FRMD4A: variants seen among roughly 807,000 people sequenced by gnomAD.
The protein encoded by FRMD4A is FERM domain containing 4A.
FRMD4A carries 29 observed loss-of-function variants against 129.1 expected under a neutral mutation model. That is an observed-to-expected ratio of 0.22 (90% CI 0.17 to 0.31). The LOEUF (loss-of-function observed/expected upper bound fraction) is 0.31. FRMD4A is among the 10% of genes least tolerant of loss of function. The pLI is 1.00. For synonymous variants in FRMD4A, 634 were observed against 571.6 expected, an observed-to-expected ratio of 1.11 and a Z score of -1.56; for missense variants, 1,272 against 1,375.8, an observed-to-expected ratio of 0.92 and a Z score of 1.19.
At chr10:14,142,377 G>C (rs1839881804) in intron 2 of FRMD4A, among the ~76,000 whole-genome samples, 1 of 152,198 alleles carries the variant, frequency 6.6e-6, no homozygotes, top group South Asian at 2.1e-4. Flanking sequence ...ATTTGATCTA[G>C]TAAAATGCTG....
At chr10:13,882,554 G>A (rs1466242732) in intron 2 of FRMD4A, among the ~76,000 whole-genome samples, 2 of 152,148 alleles carry the variant, frequency 1.3e-5, no homozygotes, top group Admixed American at 6.5e-5. Context: ...TAGTATTTAG[G>A]GAACACTGGT....
In FRMD4A at chr10:13,971,765, G is replaced by A. The variant is rs779367482; in HGVS notation, c.46-112853C>T. On this transcript the variant is annotated intron_variant, in intron 2 of 24. Coordinates refer to ENST00000357447, the MANE Select transcript of FRMD4A (RefSeq NM_018027.5). ...CCGACAAGTCAGGTTCCAACTCCAC[G>A]GTGGGTCCTCAGAGCCAAGCAGCCC... 2.9e-5 allele frequency: 38 copies of A among 1,304,262 alleles called. No individual in the cohort carries two copies. The South Asian group carries it at 3.7e-4, about 13-fold the overall frequency. 80.8% of individuals were successfully genotyped at this position (1,304,262 alleles called of 1,614,324 possible). A position where few individuals can be genotyped will look rare whatever the true frequency, so the allele number is the denominator to read the frequency against.
intron 2 of FRMD4A, among the ~76,000 whole-genome samples, chr10:13,895,620 G>T (rs1181271215): frequency 6.6e-6 from 1 of 152,172 alleles, no homozygotes; most frequent in Non-Finnish European, 1.5e-5. Context: ...ACAGAAATAG[G>T]TCGTGATGAC....
intron 11 of FRMD4A, among the ~76,000 whole-genome samples, chr10:13,738,691 G>A (rs1477580629): frequency 6.6e-6 from 1 of 152,140 alleles, no homozygotes; most frequent in Non-Finnish European, 1.5e-5. Context: ...CACAATCCTG[G>A]CTCACTGCAA....
At chr10:14,306,943 T>C (rs1846373127) in intron 2 of FRMD4A, among the ~76,000 whole-genome samples, 1 of 152,116 alleles carries the variant, frequency 6.6e-6, no homozygotes, top group Admixed American at 6.5e-5. Context: ...TTTAGCAAAC[T>C]CATAATCCTA....
chr10:13,690,843 T>G (rs2085617967), intron 15 of FRMD4A, among the ~76,000 whole-genome samples: 2 of 152,230 alleles, frequency 1.3e-5, no homozygotes, highest in Non-Finnish European at 2.9e-5. Context: ...ATACCGATGC[T>G]TATCTATTAG....
chr10:13,704,655 G>C (rs1362727285), intron 13 of FRMD4A, among the ~76,000 whole-genome samples: 1 of 152,162 alleles, frequency 6.6e-6, no homozygotes, highest in Admixed American at 6.5e-5. Flanking sequence ...GTACAGTATA[G>C]AGATAAAGGG....
chr10:13,853,888 A>C (rs2094176384), intron 3 of FRMD4A, among the ~76,000 whole-genome samples: 1 of 151,774 alleles, frequency 6.6e-6, no homozygotes, highest in Admixed American at 6.6e-5. Flanking sequence ...AATTCGGCCA[A>C]CCATTCATCT....
intron 16 of FRMD4A, among the ~76,000 whole-genome samples, chr10:13,673,366 G>A (rs1036582617): frequency 6.6e-6 from 1 of 152,086 alleles, no homozygotes; most frequent in East Asian, 1.9e-4. Context: ...CTCACTCCAC[G>A]GCCCCTTGTT....
Position 13,714,033 on chromosome 10 carries a change from T to TATAAAATATATATAATATATAATATATA in FRMD4A, c.760-6921_760-6920insTATATATTATATATTATATATATTTTAT, listed in dbSNP as rs1554858946. ...TATACATATATAAAATATACATATA[T>TATAAAATATATATAATATATAATATATA]ATATATATATATATATATATATATA... On this transcript the variant is annotated intron_variant, in intron 12 of 24. Transcript: ENST00000357447. Among the ~76,000 whole-genome samples the TATAAAATATATATAATATATAATATATA allele has an allele frequency of 1.4e-3, 33 of 24,242 alleles. 7 individuals carry two copies. The highest frequency in any genetic ancestry group is 0.016 in the Middle Eastern group (1 of 62). The allele number at this position is 24,242 out of a possible 152,430, so 15.9% of individuals were successfully genotyped here. A position where few individuals can be genotyped will look rare whatever the true frequency, so the allele number is the denominator to read the frequency against.
intron 12 of FRMD4A, among the ~76,000 whole-genome samples, chr10:13,712,925 G>T (rs2088181468): frequency 1.3e-5 from 2 of 152,254 alleles, no homozygotes; most frequent in Non-Finnish European, 2.9e-5. Flanking sequence ...TTAGCTGAAG[G>T]CTGGGGCAGA....
intron 3 of FRMD4A, among the ~76,000 whole-genome samples, chr10:13,816,017 C>A (rs563264965): frequency 1.3e-5 from 2 of 152,308 alleles, no homozygotes; most frequent in African/African-American, 4.8e-5. Flanking sequence ...GGAAAAGGCT[C>A]TGAGCAGTAG....
chr10:14,165,259 A>G (rs961014096), intron 2 of FRMD4A, among the ~76,000 whole-genome samples: 1 of 152,234 alleles, frequency 6.6e-6, no homozygotes, highest in African/African-American at 2.4e-5. Flanking sequence ...AGCATATGAA[A>G]AAATGCTCAG....
rs552961103 is a variant in FRMD4A, at chr10:14,183,155, T to G, written c.45+146903A>C. Among the ~76,000 whole-genome samples, 15 of 152,290 alleles carry G rather than the reference T, an allele frequency of 9.8e-5. No homozygotes were observed. In the East Asian group the frequency reaches 2.7e-3, roughly 27 times the overall value. ...AGAGTGCTGATAAGTGATCTCCAGATTATATGGTCTTAGACTCGATTTTTC... is the reference window on the plus strand; with the variant it reads ...AGAGTGCTGATAAGTGATCTCCAGAGTATATGGTCTTAGACTCGATTTTTC... On this transcript the variant is annotated intron_variant, in intron 2 of 24. Coordinates refer to ENST00000357447, the MANE Select transcript of FRMD4A (RefSeq NM_018027.5).
At chr10:13,794,020 C>A (rs188264955) in intron 5 of FRMD4A, among the ~76,000 whole-genome samples, 69 of 152,200 alleles carry the variant, frequency 4.5e-4, no homozygotes, top group African/African-American at 1.4e-3. Context: ...CCACCCCACC[C>A]TTGGAGGCTG....
intron 2 of FRMD4A, among the ~76,000 whole-genome samples, chr10:14,022,519 G>A (rs74615153): frequency 0.015 from 2,316 of 152,286 alleles, 61 homozygotes; most frequent in African/African-American, 0.053. Context: ...ATTGCATAAT[G>A]TTAAATGTGA....
At chr10:14,178,947 C>A (rs890959204) in intron 2 of FRMD4A, among the ~76,000 whole-genome samples, 4 of 152,132 alleles carry the variant, frequency 2.6e-5, no homozygotes, top group African/African-American at 9.7e-5. Flanking sequence ...CACCAAGGAA[C>A]CTCTCTTAGC....
chr10:13,930,490 C>T (rs2797889), intron 2 of FRMD4A, among the ~76,000 whole-genome samples: 151,825 of 152,340 alleles, frequency 1, 75,658 homozygotes, highest in Middle Eastern at 1. Context: ...CATTGATGGC[C>T]GCGGAGGCTC....
At chr10:14,319,665 C>T (rs1019117254) in intron 2 of FRMD4A, among the ~76,000 whole-genome samples, 1 of 152,112 alleles carries the variant, frequency 6.6e-6, no homozygotes, top group African/African-American at 2.4e-5. Flanking sequence ...TAGAATGCAC[C>T]TCTCTCAGGC....
Sources: allele counts gnomAD v4.1 joint callset (sites outside exome capture counted in the v4.1 genomes callset), GRCh38; gene constraint gnomAD v4.1.1; transcripts MANE v1.5; gene names NCBI Gene and HGNC (gene_info 2026-07-23, HGNC 2026-07-21).